Variants in TMEM191C observed in about 807,000 individuals in gnomAD.
The protein encoded by TMEM191C is transmembrane protein 191C, also known as KB-1323B2.6.
Under a neutral mutation model 37.1 loss-of-function variants are expected in TMEM191C, and 26 were observed. The ratio of observed to expected loss-of-function variants is 0.70; its 90% CI spans 0.51 to 0.97. TMEM191C has a LOEUF of 0.97. Ranked by LOEUF, TMEM191C falls within the 50% of genes least tolerant of loss-of-function variation. The pLI, the probability that TMEM191C is intolerant of heterozygous loss-of-function variation, is 0.00. For synonymous variants in TMEM191C, 115 were observed against 143.7 expected, an observed-to-expected ratio of 0.80 and a Z score of 1.43; for missense variants, 240 against 294.7, an observed-to-expected ratio of 0.81 and a Z score of 1.36.
At chr22:21,468,285 C>A in intron 3 of TMEM191C, 69 bp from the exon 4 acceptor site, 1 of 1,534,902 alleles carries the variant, frequency 6.5e-7, no homozygotes, top group East Asian at 2.4e-5. Context: ...GCCTCCCCGT[C>A]CCTGTCTCCC....
rs1442840920 is a variant in TMEM191C, at chr22:21,469,499, G to T, written c.669G>T (p.Thr223=). The T allele has an allele frequency of 3.7e-6, 5 of 1,352,176 alleles. No individual in the cohort carries two copies. The East Asian group carries it at 1.5e-4, about 42-fold the overall frequency. 83.8% of individuals were successfully genotyped at this position (1,352,176 alleles called of 1,614,324 possible). Residue 223 remains threonine, a synonymous_variant, in exon 9 of 10, where the codon ACG becomes ACT. Transcript: ENST00000536718. ...GCGGCCCTCTCTCCCCGCAGGAGAC[G>T]CGGCTGTTCGGCGGCCCTCGCGCGC... ...MEEMARADRE[T]RLFGGPRALA... is the part of the protein sequence containing the mutation.
At position 21,469,546 on chromosome 22, in the gene TMEM191C, G is replaced by T; in HGVS notation, c.704+12G>T. On this transcript the variant is annotated intron_variant, in intron 9 of 9. Transcript: ENST00000536718. ...GCGCTGGCCATCAGGTGAGCCGGGC[G>T]GTGGGCGCGGCCGCGGTCCCCCAGG... The T allele has an allele frequency of 7.2e-7, 1 of 1,385,576 alleles. No individual in the cohort carries two copies. The allele number at this position is 1,385,576 out of a possible 1,614,324, so 85.8% of individuals were successfully genotyped here.
Position 21,469,523 on chromosome 22 carries a change from G to A in TMEM191C, c.693G>A (p.Ala231=). Residue 231 remains alanine (A), a synonymous_variant, in exon 9 of 10, where the codon GCG becomes GCA. Coordinates refer to ENST00000536718, the MANE Select transcript of TMEM191C (RefSeq NM_001388354.1). ...RETRLFGGPR[A]LAIRRCVLGA... ...CGCGGCTGTTCGGCGGCCCTCGCGC[G>A]CTGGCCATCAGGTGAGCCGGGCGGT... 7.4e-7 allele frequency: 1 copy of A among 1,357,614 alleles called. No homozygotes were observed. Among genetic ancestry groups the A allele is most frequent in the Non-Finnish European group, 9.4e-7 (1 of 1,062,956 alleles). The allele number at this position is 1,357,614 out of a possible 1,614,324, so 84.1% of individuals were successfully genotyped here.
At chr22:21,468,128 A>C in intron 2 of TMEM191C, 24 bp from the exon 3 acceptor site, 1 of 1,487,226 alleles carries the variant, frequency 6.7e-7, no homozygotes, top group Non-Finnish European at 8.9e-7. Flanking sequence ...AGAGGTCGGC[A>C]CCGCCCCAGG....
chr22:21,469,618 C>A lies in TMEM191C; in HGVS notation c.706C>A (p.Arg236=), dbSNP rs1924668694. Residue 236 remains arginine, a splice_region_variant and synonymous_variant, in exon 10 of 10, where the codon CGG becomes AGG. Coordinates refer to ENST00000536718, the MANE Select transcript of TMEM191C (RefSeq NM_001388354.1). ...FGGPRALAIR[R]CVLGALQVLL... ...ACCTGCCCGCCTTTCGCCCCGCAGG[C>A]GGTGCGTGCTGGGCGCGCTGCAGGT... 6.8e-7 allele frequency: 1 copy of A among 1,479,866 alleles called. No individual in the cohort carries two copies. Among genetic ancestry groups the A allele is most frequent in the Non-Finnish European group, 8.9e-7 (1 of 1,124,382 alleles). The allele number at this position is 1,479,866 out of a possible 1,614,324, so 91.7% of individuals were successfully genotyped here.
Position 21,467,897 on chromosome 22 carries a change from G to A in TMEM191C, c.159G>A (p.Leu53=), listed in dbSNP as rs1187953083. ...LQDLSERERS[L]LRRRSQAAQP... is the part of the protein sequence containing the mutation. ...CAACCTCAGTTTCCCTCTGCAGCCT[G>A]CTGCGGAGGCGAAGCCAGGCAGCGC... is the stretch of plus-strand genomic sequence containing the variant. The change falls in exon 2 of 10, where the codon CTG becomes CTA. Residue 53 remains leucine (L), a synonymous_variant. Transcript: ENST00000536718. 4 of 617,980 alleles carry A rather than the reference G, an allele frequency of 6.5e-6. No individual in the cohort carries two copies. In the Admixed American group the frequency reaches 1.4e-4, roughly 22 times the overall value. 38.3% of individuals were successfully genotyped at this position (617,980 alleles called of 1,614,324 possible).
At chr22:21,469,570 G>A (rs1303798347) in intron 9 of TMEM191C, 36 bp downstream of exon 9, 10 of 1,461,854 alleles carry the variant, frequency 6.8e-6, no homozygotes, top group Non-Finnish European at 9.0e-6. Flanking sequence ...CGGTCCCCCA[G>A]GTGCCCGCCC....
Position 21,469,896 on chromosome 22 carries a change from G to C in TMEM191C, c.*75G>C. ...TATTTCTGGTGCACTCCTCTCCTGAGAGTGTAGACCAAGGTTGCCTAATAA... is the reference window on the plus strand; with the variant it reads ...TATTTCTGGTGCACTCCTCTCCTGACAGTGTAGACCAAGGTTGCCTAATAA... On this transcript the variant is annotated 3_prime_UTR_variant, in exon 10 of 10. Coordinates refer to ENST00000536718, the MANE Select transcript of TMEM191C (RefSeq NM_001388354.1). 6.9e-7 allele frequency: 1 copy of C among 1,447,236 alleles called. No individual in the cohort carries two copies. Among genetic ancestry groups the C allele is most frequent in the African/African-American group, 1.5e-5 (1 of 65,334 alleles). 89.6% of individuals were successfully genotyped at this position (1,447,236 alleles called of 1,614,324 possible).
At position 21,469,904 on chromosome 22, in the gene TMEM191C, A is replaced by C; in HGVS notation, c.*83A>C. 2 of 1,423,156 alleles carry C rather than the reference A, an allele frequency of 1.4e-6. No homozygotes were observed. Among genetic ancestry groups the C allele is most frequent in the Non-Finnish European group, 1.8e-6 (2 of 1,091,776 alleles). 88.2% of individuals were successfully genotyped at this position (1,423,156 alleles called of 1,614,324 possible). A position where few individuals can be genotyped will look rare whatever the true frequency, so the allele number is the denominator to read the frequency against. On this transcript the variant is annotated 3_prime_UTR_variant, in exon 10 of 10. Transcript: ENST00000536718. ...GTGCACTCCTCTCCTGAGAGTGTAG[A>C]CCAAGGTTGCCTAATAAACTCAAGG...
Position 21,467,920 on chromosome 22 carries a change from C to T in TMEM191C, c.182C>T (p.Ala61Val). The T allele has an allele frequency of 1.6e-6, 1 of 622,676 alleles. No homozygotes were observed. Among genetic ancestry groups the T allele is most frequent in the Non-Finnish European group, 2.6e-6 (1 of 381,716 alleles). The allele number at this position is 622,676 out of a possible 1,614,324, so 38.6% of individuals were successfully genotyped here. A position where few individuals can be genotyped will look rare whatever the true frequency, so the allele number is the denominator to read the frequency against. ...CTGCTGCGGAGGCGAAGCCAGGCAG[C>T]GCAGCCTCTGCAAGGGGAGGCGCGC... Reference protein sequence around the residue: ...RSLLRRRSQAAQPLQGEAREA... With the variant: ...RSLLRRRSQAVQPLQGEAREA... Residue 61 changes from alanine (A) to valine (V), a missense_variant, in exon 2 of 10, where the codon GCG becomes GTG. This residue lies in a region of TMEM191C where 130 missense variants were observed against 105.7 expected (regional missense o/e 1.23). Transcript: ENST00000536718.
At position 21,469,792 on chromosome 22, in the gene TMEM191C, C is replaced by T. The variant is rs897084682; in HGVS notation, c.880C>T (p.Leu294=). ...LRYTLSPLLE[L]RANGLLPT ...CTACACGCTGTCCCCGCTGCTGGAG[C>T]TGCGCGCTAACGGGCTTCTGCCAAC... Residue 294 remains leucine (L), a synonymous_variant, in exon 10 of 10, where the codon CTG becomes TTG. Transcript: ENST00000536718. 1.7e-5 allele frequency: 26 copies of T among 1,532,246 alleles called. No individual in the cohort carries two copies. In the African/African-American group the frequency reaches 3.3e-4, roughly 19 times the overall value. The allele number at this position is 1,532,246 out of a possible 1,614,324, so 94.9% of individuals were successfully genotyped here.
chr22:21,469,817 C>T lies in TMEM191C; in HGVS notation c.905C>T (p.Thr302Ile). The change falls in exon 10 of 10, where the codon ACC becomes ATC. Residue 302 changes from threonine to isoleucine, a missense_variant. Thr to Ile is a moderately conservative substitution (Grantham distance 89). Around this residue, in one of 3 missense-constraint regions of TMEM191C, gnomAD observed 76 missense variants for 100.0 expected, o/e 0.76. Transcript: ENST00000536718. ...LELRANGLLP[T>I] ...CTGCGCGCTAACGGGCTTCTGCCAA[C>T]CTAAGTGCAGCGCCCCGCGCCTGGC... 1 of 1,532,322 alleles carries T rather than the reference C, an allele frequency of 6.5e-7. No individual in the cohort carries two copies. Among genetic ancestry groups the T allele is most frequent in the Non-Finnish European group, 8.7e-7 (1 of 1,146,270 alleles). The allele number at this position is 1,532,322 out of a possible 1,614,324, so 94.9% of individuals were successfully genotyped here.
chr22:21,469,503 C>A lies in TMEM191C; in HGVS notation c.673C>A (p.Leu225Met). ...CCCTCTCTCCCCGCAGGAGACGCGGCTGTTCGGCGGCCCTCGCGCGCTGGC... is the reference window on the plus strand; with the variant it reads ...CCCTCTCTCCCCGCAGGAGACGCGGATGTTCGGCGGCCCTCGCGCGCTGGC... ...EMARADRETR[L>M]FGGPRALAIR... The change falls in exon 9 of 10, where the codon CTG (leucine) becomes ATG (methionine). Residue 225 changes from leucine to methionine, a missense_variant. Physicochemically the swap from Leu to Met is conservative, Grantham distance 15. Coordinates refer to ENST00000536718, the MANE Select transcript of TMEM191C (RefSeq NM_001388354.1). 7.4e-7 allele frequency: 1 copy of A among 1,353,982 alleles called. No individual in the cohort carries two copies. Among genetic ancestry groups the A allele is most frequent in the East Asian group, 3.1e-5 (1 of 32,394 alleles). The allele number at this position is 1,353,982 out of a possible 1,614,324, so 83.9% of individuals were successfully genotyped here. A position where few individuals can be genotyped will look rare whatever the true frequency, so the allele number is the denominator to read the frequency against.
In TMEM191C at chr22:21,469,363, G is replaced by A; in HGVS notation, c.663+17G>A. On this transcript the variant is annotated intron_variant, in intron 8 of 9. Transcript: ENST00000536718. ...GCGGACCGAGTGAGCGCCTGCGCGG[G>A]TCCGGGCGGGGTGGGCTGGAGCGGG... 1 of 1,258,066 alleles carries A rather than the reference G, an allele frequency of 7.9e-7. No individual in the cohort carries two copies. Among genetic ancestry groups the A allele is most frequent in the Non-Finnish European group, 1.0e-6 (1 of 990,698 alleles). The allele number at this position is 1,258,066 out of a possible 1,614,324, so 77.9% of individuals were successfully genotyped here.
rs1365813601 is a variant in TMEM191C at position 21,468,206 on chromosome 22, C to A, written c.330+4C>A. The A allele has an allele frequency of 6.5e-7, 1 of 1,527,288 alleles. No individual in the cohort carries two copies. Among genetic ancestry groups the A allele is most frequent in the Non-Finnish European group, 8.7e-7 (1 of 1,144,282 alleles). The allele number at this position is 1,527,288 out of a possible 1,614,324, so 94.6% of individuals were successfully genotyped here. The stretch of plus-strand genomic sequence containing the variant: ...GTGGGAGGAGCTGTCGAGTCAGGTA[C>A]GTGCAGGAGATGGGAGGGCCTGTCT... On this transcript the variant is annotated splice_donor_region_variant and intron_variant, in intron 3 of 9. Coordinates refer to ENST00000536718, the MANE Select transcript of TMEM191C (RefSeq NM_001388354.1).
chr22:21,469,569 A>C, intron 9 of TMEM191C, 35 bp downstream of exon 9: 1 of 1,460,048 alleles, frequency 6.8e-7, no homozygotes, highest in Non-Finnish European at 9.0e-7. Context: ...GCGGTCCCCC[A>C]GGTGCCCGCC....
Position 21,469,822 on chromosome 22 carries a change from G to C in TMEM191C, c.*1G>C. 2.0e-6 allele frequency: 3 copies of C among 1,532,076 alleles called. No individual in the cohort carries two copies. The highest frequency in any genetic ancestry group is 1.7e-6 in the Non-Finnish European group (2 of 1,146,160). 94.9% of individuals were successfully genotyped at this position (1,532,076 alleles called of 1,614,324 possible). A position where few individuals can be genotyped will look rare whatever the true frequency, so the allele number is the denominator to read the frequency against. The stretch of plus-strand genomic sequence containing the variant: ...CGCTAACGGGCTTCTGCCAACCTAA[G>C]TGCAGCGCCCCGCGCCTGGCTCCAG... On this transcript the variant is annotated 3_prime_UTR_variant, in exon 10 of 10. Coordinates refer to ENST00000536718, the MANE Select transcript of TMEM191C (RefSeq NM_001388354.1).
chr22:21,467,775 G>C, intron 1 of TMEM191C, 119 bp from the exon 2 acceptor site: 1 of 452,326 alleles, frequency 2.2e-6, no homozygotes. Flanking sequence ...CCAGGTGGGG[G>C]ACTCGGCCAG....
Position 21,469,798 on chromosome 22 carries a change from GC to G in TMEM191C, c.887del (p.Ala296ValfsTer35), listed in dbSNP as rs1924679871. On this transcript the variant is annotated frameshift_variant, in exon 10 of 10. Transcript: ENST00000536718. LOFTEE classifies it high-confidence loss of function. ...YTLSPLLELRANGLLPT is the reference protein window; with the variant it reads ...YTLSPLLELRXNGLLPT ...GCTGTCCCCGCTGCTGGAGCTGCGCGCTAACGGGCTTCTGCCAACCTAAGTG... is the reference window on the plus strand; with the variant it reads ...GCTGTCCCCGCTGCTGGAGCTGCGCGTAACGGGCTTCTGCCAACCTAAGTG... 6.5e-7 allele frequency: 1 copy of G among 1,532,302 alleles called. No individual in the cohort carries two copies. 94.9% of individuals were successfully genotyped at this position (1,532,302 alleles called of 1,614,324 possible).
Sources: gnomAD v4.1 joint callset for allele counts on GRCh38, gnomAD v4.1.1 for gene constraint, gnomAD v4.1.1 regional missense constraint, MANE v1.5 for transcripts, NCBI Gene and HGNC (gene_info 2026-07-23, HGNC 2026-07-21) for gene names.